SLC71A2: variants seen among roughly 807,000 people sequenced by gnomAD.
SLC71A2 encodes hippocampus abundant transcript-like 1.
the SLC71A2 span, among the ~76,000 whole-genome samples, chr9:94,423,954 C>T: frequency 6.6e-6 from 1 of 152,132 alleles, no homozygotes; most frequent in Non-Finnish European, 1.5e-5. Context: ...TTTTCTACCA[C>T]AAACCTTAAT....
chr9:94,412,408 C>A, the SLC71A2 span, among the ~76,000 whole-genome samples: 13 of 152,304 alleles, frequency 8.5e-5, no homozygotes, highest in African/African-American at 3.1e-4. Flanking sequence ...CCTGCAACTT[C>A]ACTTCTAGAA....
the SLC71A2 span, among the ~76,000 whole-genome samples, chr9:94,392,544 A>G: frequency 6.6e-6 from 1 of 151,740 alleles, no homozygotes; most frequent in African/African-American, 2.4e-5. Context: ...CTCTGTTGCC[A>G]GGCTGGAGTG....
the SLC71A2 span, among the ~76,000 whole-genome samples, chr9:94,391,088 A>G: frequency 4.6e-5 from 7 of 151,774 alleles, no homozygotes; most frequent in African/African-American, 1.7e-4. Flanking sequence ...CCTAGTGGAA[A>G]AAGATTGGCT....
At chr9:94,389,068 A>G in the SLC71A2 span, among the ~76,000 whole-genome samples, 5 of 151,776 alleles carry the variant, frequency 3.3e-5, no homozygotes, top group African/African-American at 1.2e-4. Flanking sequence ...CGCCAGTCCT[A>G]GTTTTCTCAG....
chr9:94,385,568 A>G, the SLC71A2 span, among the ~76,000 whole-genome samples: 1 of 152,016 alleles, frequency 6.6e-6, no homozygotes, highest in Admixed American at 6.6e-5. Flanking sequence ...GTAGGGGTCC[A>G]GCTTTACTCT....
the SLC71A2 span, among the ~76,000 whole-genome samples, chr9:94,386,891 C>A: frequency 1.3e-5 from 2 of 152,046 alleles, no homozygotes; most frequent in Non-Finnish European, 2.9e-5. Flanking sequence ...GATTTTGTGG[C>A]TCTTTCTTGA....
At chr9:94,410,200 A>C in the SLC71A2 span, among the ~76,000 whole-genome samples, 14 of 151,646 alleles carry the variant, frequency 9.2e-5, no homozygotes, top group Admixed American at 7.9e-4. Context: ...CACTCCAGCG[A>C]TCTTCCTGCC....
At chr9:94,420,682 C>T in the SLC71A2 span, among the ~76,000 whole-genome samples, 30 of 151,068 alleles carry the variant, frequency 2.0e-4, no homozygotes, top group African/African-American at 7.1e-4. Context: ...GGGCAGATCA[C>T]GAGGTCAGGA....
At chr9:94,444,482 A>C in the SLC71A2 span, among the ~76,000 whole-genome samples, 1 of 152,248 alleles carries the variant, frequency 6.6e-6, no homozygotes, top group Admixed American at 6.5e-5. Context: ...ACCAAATGAT[A>C]AAATGTTCAA....
At chr9:94,392,762 G>A in the SLC71A2 span, among the ~76,000 whole-genome samples, 1 of 152,196 alleles carries the variant, frequency 6.6e-6, no homozygotes, top group Non-Finnish European at 1.5e-5. Flanking sequence ...GCCTCCCAAA[G>A]TGCTGGGATC....
chr9:94,451,523 C>A, the SLC71A2 span: 1 of 1,535,412 alleles, frequency 6.5e-7, no homozygotes, highest in Non-Finnish European at 8.8e-7. Context: ...TCTATTGTGG[C>A]TCAGGTGAGT....
At chr9:94,435,647 CTTCT>C in the SLC71A2 span, among the ~76,000 whole-genome samples, 1,567 of 81,750 alleles carry the variant, frequency 0.019, 8 homozygotes, top group Middle Eastern at 0.021. Context: ...CTTTTTCCTT[CTTCT>C]TTTTTTTTTT....
chr9:94,456,328 GATC>G, the SLC71A2 span: 1 of 1,613,844 alleles, frequency 6.2e-7, no homozygotes. Context: ...TGCAGAGTCA[GATC>G]AGCAAGGTGA....
At chr9:94,412,076 T>A in the SLC71A2 span, among the ~76,000 whole-genome samples, 1 of 152,236 alleles carries the variant, frequency 6.6e-6, no homozygotes. Flanking sequence ...TTTCAGTTGC[T>A]TCATCAATAG....
the SLC71A2 span, chr9:94,459,387 C>T: frequency 4.3e-6 from 7 of 1,613,902 alleles, no homozygotes; most frequent in Non-Finnish European, 5.9e-6. Flanking sequence ...TTTGAGGAGC[C>T]TGGGAATCAG....
the SLC71A2 span, among the ~76,000 whole-genome samples, chr9:94,417,354 G>A: frequency 5.1e-4 from 77 of 152,254 alleles, no homozygotes; most frequent in East Asian, 1.4e-3. Flanking sequence ...TAGGCCGGGC[G>A]CGGAGGCTCA....
the SLC71A2 span, among the ~76,000 whole-genome samples, chr9:94,425,056 T>C: frequency 6.6e-6 from 1 of 151,900 alleles, no homozygotes; most frequent in East Asian, 1.9e-4. Flanking sequence ...CATCCATAAA[T>C]GCTTGTCTGC....
At chr9:94,382,394 T>TTTG in the SLC71A2 span, among the ~76,000 whole-genome samples, 220 of 151,674 alleles carry the variant, frequency 1.5e-3, 1 homozygote, top group African/African-American at 5.2e-3. Context: ...TTGCCTATTT[T>TTTG]TTGTTGTTGT....
chr9:94,397,312 T>TG, the SLC71A2 span, among the ~76,000 whole-genome samples: 13 of 152,218 alleles, frequency 8.5e-5, no homozygotes, highest in South Asian at 2.1e-3. Context: ...CCATGCACTA[T>TG]TATCAGCTAA....
Sources: gnomAD v4.1 joint callset for allele counts (sites outside exome capture counted in the v4.1 genomes callset) on GRCh38, gnomAD v4.1.1 for gene constraint, MANE v1.5 for transcripts, NCBI Gene and HGNC (gene_info 2026-07-23, HGNC 2026-07-21) for gene names.